Variants in EPB41L5 observed in about 807,000 individuals in gnomAD.
EPB41L5 encodes erythrocyte membrane protein band 4.1 like 5, also known as band 4.1-like protein 5.
Under a neutral mutation model 106.6 loss-of-function variants are expected in EPB41L5, and 55 were observed. That is an observed-to-expected ratio of 0.52 (90% CI 0.42 to 0.65). The LOEUF is 0.65. EPB41L5 is among the 30% of genes least tolerant of loss of function. The pLI is 0.00. For synonymous variants in EPB41L5, 297 were observed against 306.7 expected (o/e 0.97, Z 0.33); for missense variants, 871 against 882.1 (o/e 0.99, Z 0.16).
At chr2:120,068,618 C>G (rs1032015740) in intron 3 of EPB41L5, among the ~76,000 whole-genome samples, 1 of 152,162 alleles carries the variant, frequency 6.6e-6, no homozygotes, top group East Asian at 1.9e-4. Context: ...GAGCCCATGT[C>G]ATAATGACAG....
intron 2 of EPB41L5, among the ~76,000 whole-genome samples, chr2:120,026,425 A>T (rs141170426): frequency 6.6e-6 from 1 of 151,950 alleles, no homozygotes; most frequent in Non-Finnish European, 1.5e-5. Context: ...CTGGAGTGCA[A>T]TGACGTGATC....
intron 13 of EPB41L5, among the ~76,000 whole-genome samples, chr2:120,092,850 A>G (rs753319489): frequency 6.6e-6 from 1 of 152,222 alleles, no homozygotes; most frequent in Non-Finnish European, 1.5e-5. Context: ...GGAGATATAT[A>G]TGCATTGTAT....
Position 120,074,119 on chromosome 2 carries a change from G to A in EPB41L5, c.348G>A (p.Leu116=). 2 of 1,610,220 alleles carry A rather than the reference G, an allele frequency of 1.2e-6. No individual in the cohort carries two copies. The highest frequency in any genetic ancestry group is 2.2e-5 in the South Asian group (2 of 90,578). Residue 116 remains leucine, a synonymous_variant, in exon 5 of 25, where the codon CTG becomes CTA. Transcript: ENST00000263713. ...KQVKIGSPYC[L]HLRVKFYSSE... ...TGACAGTTGGTTCACCCTATTGTCT[G>A]CATCTTCGAGTTAAGTTTTATTCCT...
chr2:120,021,294 C>T (rs1405933755), intron 2 of EPB41L5, among the ~76,000 whole-genome samples: 2 of 151,278 alleles, frequency 1.3e-5, no homozygotes, highest in African/African-American at 2.4e-5. Flanking sequence ...GAGCTGAGAT[C>T]GCGCCACTGC....
chr2:120,088,819 T>C (rs1419705024), intron 11 of EPB41L5, among the ~76,000 whole-genome samples: 1 of 152,220 alleles, frequency 6.6e-6, no homozygotes, highest in African/African-American at 2.4e-5. Flanking sequence ...GTTCCCCTAA[T>C]GACAACTCTG....
chr2:120,123,795 C>T (rs1463116796), intron 16 of EPB41L5, among the ~76,000 whole-genome samples: 1 of 151,592 alleles, frequency 6.6e-6, no homozygotes, highest in Non-Finnish European at 1.5e-5. Context: ...GTAGCTGGGA[C>T]TACAGGCGTG....
At chr2:120,126,610 T>A (rs995777876) in intron 16 of EPB41L5, among the ~76,000 whole-genome samples, 1 of 152,224 alleles carries the variant, frequency 6.6e-6, no homozygotes, top group Admixed American at 6.5e-5. Context: ...AAAAGTTCCT[T>A]ATATTCCATA....
intron 18 of EPB41L5, among the ~76,000 whole-genome samples, chr2:120,141,518 A>G (rs1322392620): frequency 1.3e-5 from 2 of 152,152 alleles, no homozygotes; most frequent in Admixed American, 6.6e-5. Flanking sequence ...GTATTTAAAA[A>G]GTAAGAATAT....
At chr2:120,099,233 T>G (rs1223817110) in intron 14 of EPB41L5, among the ~76,000 whole-genome samples, 1 of 152,178 alleles carries the variant, frequency 6.6e-6, no homozygotes, top group Non-Finnish European at 1.5e-5. Context: ...TATCCTTGTT[T>G]TAGAATGTCT....
intron 20 of EPB41L5, among the ~76,000 whole-genome samples, chr2:120,158,291 C>G (rs1051056078): frequency 2.0e-5 from 3 of 152,118 alleles, no homozygotes; most frequent in African/African-American, 4.8e-5. Context: ...AATGACACAA[C>G]AAAGAAAGAA....
chr2:120,075,880 G>GAGTT, intron 7 of EPB41L5, 127 bp downstream of exon 7: 3 of 754,978 alleles, frequency 4.0e-6, no homozygotes, highest in Non-Finnish European at 6.8e-6. Context: ...ACTTGTATCA[G>GAGTT]GGTCCAACTC....
chr2:120,104,218 A>G (rs1017283010), intron 16 of EPB41L5: 1 of 1,535,848 alleles, frequency 6.5e-7, no homozygotes, highest in South Asian at 1.2e-5. Flanking sequence ...TTTCCTGGCC[A>G]TACAGCCATG....
At position 120,154,787 on chromosome 2, in the gene EPB41L5, G is replaced by A. The variant is rs140841583; in HGVS notation, c.1794-6094G>A. On this transcript the variant is annotated intron_variant, in intron 20 of 24. Transcript: ENST00000263713. ...TAAAAATACAAAATATTAGCCGGGC[G>A]TGGTGGCGGGTGCCTATAGTCCCAG... 1.3e-3 allele frequency among the ~76,000 whole-genome samples: 198 copies of A among 152,136 alleles called. 1 individual carries two copies. The East Asian group carries it at 0.026, about 20-fold the overall frequency.
chr2:120,039,170 A>G (rs1225526444), intron 2 of EPB41L5, among the ~76,000 whole-genome samples: 4 of 152,200 alleles, frequency 2.6e-5, no homozygotes. Context: ...ATAAGCCAGA[A>G]ACAAGAGGAC....
rs372381626 is a variant in EPB41L5, at chr2:120,077,066, A to G, written c.601A>G (p.Ile201Val). 21 of 1,612,892 alleles carry G rather than the reference A, an allele frequency of 1.3e-5. No individual in the cohort carries two copies. Among genetic ancestry groups the G allele is most frequent in the East Asian group, 6.7e-5 (3 of 44,822 alleles). ...TCAGACTGAAGAGATGGAACTGGCTATTTTTGAGAAATGGAAGGAATACAG... is the reference window on the plus strand; with the variant it reads ...TCAGACTGAAGAGATGGAACTGGCTGTTTTTGAGAAATGGAAGGAATACAG... ...PIQTEEMELA[I>V]FEKWKEYRGQ... is the part of the protein sequence containing the mutation. The change falls in exon 8 of 25, where the codon ATT becomes GTT. Residue 201 changes from isoleucine to valine, a missense_variant. Transcript: ENST00000263713.
At chr2:120,025,836 A>G (rs1393422762) in intron 2 of EPB41L5, among the ~76,000 whole-genome samples, 1 of 152,184 alleles carries the variant, frequency 6.6e-6, no homozygotes, top group Non-Finnish European at 1.5e-5. Flanking sequence ...AGCTAGAACA[A>G]TATTGAAAAA....
intron 18 of EPB41L5, among the ~76,000 whole-genome samples, chr2:120,135,553 CAAAT>C (rs1685886668): frequency 6.6e-6 from 1 of 151,972 alleles, no homozygotes; most frequent in Admixed American, 6.6e-5. Context: ...ATAAAAGAAA[CAAAT>C]AACATACAAG....
chr2:120,164,776 AAACTT>A, intron 21 of EPB41L5, 55 bp from the exon 22 acceptor site: 1 of 1,245,844 alleles, frequency 8.0e-7, no homozygotes, highest in African/African-American at 1.5e-5. Flanking sequence ...GATATGGAAA[AAACTT>A]AACATCTGAT....
chr2:120,019,668 A>T (rs892241824), intron 2 of EPB41L5, among the ~76,000 whole-genome samples: 1 of 152,220 alleles, frequency 6.6e-6, no homozygotes, highest in Non-Finnish European at 1.5e-5. Context: ...TAAGACTTTT[A>T]GCTTCTATGC....
Sources: allele counts gnomAD v4.1 joint callset (sites outside exome capture counted in the v4.1 genomes callset), GRCh38; gene constraint gnomAD v4.1.1; transcripts MANE v1.5; gene names NCBI Gene and HGNC (gene_info 2026-07-23, HGNC 2026-07-21).